COL27A1: variants seen among roughly 807,000 people sequenced by gnomAD.
COL27A1 encodes the protein collagen type XXVII alpha 1 chain.
A neutral mutation model predicts 251.3 loss-of-function variants in COL27A1; 106 were observed. That is an observed-to-expected ratio of 0.42 (90% CI 0.36 to 0.50). The LOEUF (loss-of-function observed/expected upper bound fraction) is 0.50. Ranked by LOEUF, COL27A1 falls within the 20% of genes least tolerant of loss-of-function variation. The pLI, the probability that COL27A1 is intolerant of heterozygous loss-of-function variation, is 0.00. For synonymous variants in COL27A1, 1,000 were observed against 986.3 expected (o/e 1.01, Z -0.26); for missense variants, 2,325 against 2,522.8 (o/e 0.92, Z 1.68).
At chr9:114,161,215 A>T (rs1309556203) in intron 1 of COL27A1, among the ~76,000 whole-genome samples, 1 of 152,084 alleles carries the variant, frequency 6.6e-6, no homozygotes, top group Non-Finnish European at 1.5e-5. Context: ...TTACTCAACA[A>T]CATATAAAGA....
At chr9:114,286,185 G>C (rs975993824) in intron 41 of COL27A1, among the ~76,000 whole-genome samples, 18 of 151,984 alleles carry the variant, frequency 1.2e-4, no homozygotes, top group African/African-American at 3.6e-4. Context: ...TGAATGAACA[G>C]CCACCCCGCA....
At chr9:114,186,945 C>T (rs1828388189) in intron 5 of COL27A1, among the ~76,000 whole-genome samples, 1 of 152,190 alleles carries the variant, frequency 6.6e-6, no homozygotes. Flanking sequence ...GAAGCTAGTG[C>T]TCCCCGCCAG....
At chr9:114,275,911 C>T (rs1835472413) in intron 37 of COL27A1, 143 bp downstream of exon 37, 3 of 598,370 alleles carry the variant, frequency 5.0e-6, no homozygotes, top group South Asian at 4.1e-5. Context: ...TGGCAGTTTG[C>T]CAGAGAACCA....
rs1829142888 is a variant in COL27A1 at position 114,307,552 on chromosome 9, T to C, written c.5108-117T>C. ...GAATCCCTTTTCTGCTCACCCACCC[T>C]GACTTCATGCTCACCTGGGGCTCGG... is the stretch of plus-strand genomic sequence containing the variant. On this transcript the variant is annotated intron_variant, in intron 58 of 60. Coordinates refer to ENST00000356083, the MANE Select transcript of COL27A1 (RefSeq NM_032888.4). 4.0e-6 allele frequency: 3 copies of C among 741,734 alleles called. No individual in the cohort carries two copies. The East Asian group carries it at 7.5e-5, about 19-fold the overall frequency. The allele number at this position is 741,734 out of a possible 1,614,324, so 45.9% of individuals were successfully genotyped here.
At chr9:114,247,209 C>A (rs1833199969) in intron 24 of COL27A1, among the ~76,000 whole-genome samples, 1 of 152,088 alleles carries the variant, frequency 6.6e-6, no homozygotes, top group Non-Finnish European at 1.5e-5. Context: ...GTTCTAGTAG[C>A]AGGTGTAACA....
intron 19 of COL27A1, among the ~76,000 whole-genome samples, chr9:114,239,976 C>T (rs1379114661): frequency 6.6e-6 from 1 of 152,198 alleles, no homozygotes; most frequent in Non-Finnish European, 1.5e-5. Flanking sequence ...TTCCATGTTA[C>T]AACCTTAATG....
At chr9:114,285,422 C>T (rs956102786) in intron 41 of COL27A1, among the ~76,000 whole-genome samples, 4 of 152,094 alleles carry the variant, frequency 2.6e-5, no homozygotes, top group Admixed American at 1.3e-4. Context: ...CAAGGCAATC[C>T]CAAACTGGCC....
chr9:114,266,685 C>A, intron 33 of COL27A1, 67 bp downstream of exon 33: 1 of 1,424,148 alleles, frequency 7.0e-7, no homozygotes, highest in Non-Finnish European at 9.9e-7. Context: ...TCCCTTCCCT[C>A]CTCCCCAGGA....
chr9:114,180,231 C>T (rs918354568), intron 4 of COL27A1, among the ~76,000 whole-genome samples: 1 of 152,164 alleles, frequency 6.6e-6, no homozygotes, highest in African/African-American at 2.4e-5. Context: ...CCTCTCTCTC[C>T]TACGTGATGC....
chr9:114,289,315 A>C lies in COL27A1; in HGVS notation c.4206+20A>C, dbSNP rs1274469948. On this transcript the variant is annotated intron_variant, in intron 45 of 60. Coordinates refer to ENST00000356083, the MANE Select transcript of COL27A1 (RefSeq NM_032888.4). ...GCAGAGGTAAGAGGGCCGGGGGTTC[A>C]GCAGGGAGACTGAGTCCCAGGAAGG... 6.4e-7 allele frequency: 1 copy of C among 1,564,628 alleles called. No homozygotes were observed. Among genetic ancestry groups the C allele is most frequent in the African/African-American group, 1.4e-5 (1 of 73,286 alleles).
At chr9:114,295,111 CAA>C (rs1226612524) in intron 49 of COL27A1, among the ~76,000 whole-genome samples, 2 of 152,152 alleles carry the variant, frequency 1.3e-5, no homozygotes, top group Admixed American at 1.3e-4. Context: ...ATACACTAAT[CAA>C]TGTGCACAAA....
At chr9:114,263,860 A>G (rs1402201571) in intron 28 of COL27A1, among the ~76,000 whole-genome samples, 3 of 152,148 alleles carry the variant, frequency 2.0e-5, no homozygotes, top group African/African-American at 7.2e-5. Flanking sequence ...ACGTCTGGCT[A>G]GAGATGGGGC....
At chr9:114,306,776 G>A (rs1274460505) in intron 58 of COL27A1, 88 bp downstream of exon 58, 1 of 1,480,050 alleles carries the variant, frequency 6.8e-7, no homozygotes, top group Non-Finnish European at 9.1e-7. Context: ...CATTTTGGCT[G>A]AGTTTTTGTC....
At chr9:114,174,625 C>A (rs10982093) in intron 3 of COL27A1, among the ~76,000 whole-genome samples, 20,889 of 152,096 alleles carry the variant, frequency 0.14, 1,565 homozygotes, top group African/African-American at 0.16. Context: ...CGGCACAGAT[C>A]TGGGGAGTAA....
chr9:114,310,793 C>T lies in COL27A1; in HGVS notation c.*98C>T, dbSNP rs753850607. 1.3e-5 allele frequency: 17 copies of T among 1,351,468 alleles called. No homozygotes were observed. Among genetic ancestry groups the T allele is most frequent in the Non-Finnish European group, 1.6e-5 (16 of 975,468 alleles). The allele number at this position is 1,351,468 out of a possible 1,614,324, so 83.7% of individuals were successfully genotyped here. On this transcript the variant is annotated 3_prime_UTR_variant, in exon 61 of 61. Coordinates refer to ENST00000356083, the MANE Select transcript of COL27A1 (RefSeq NM_032888.4). The stretch of plus-strand genomic sequence containing the variant: ...GCAGATGGCTCCAGGAGAGGCAGCT[C>T]CCCTGCCCAAGGGTCCTTGGGCAGA...
In COL27A1 at chr9:114,270,712, C is replaced by T; in HGVS notation, c.3556-16C>T. ...CCCAGTAACATCTCCTCCTCTTTCT[C>T]CATCACCTTTTCCAGGGAGAGCCAG... On this transcript the variant is annotated splice_polypyrimidine_tract_variant and intron_variant, in intron 35 of 60. Transcript: ENST00000356083. 1.2e-6 allele frequency: 2 copies of T among 1,605,314 alleles called. No individual in the cohort carries two copies. The highest frequency in any genetic ancestry group is 1.1e-5 in the South Asian group (1 of 90,700).
At chr9:114,216,425 G>A (rs1830716195) in intron 12 of COL27A1, among the ~76,000 whole-genome samples, 1 of 152,230 alleles carries the variant, frequency 6.6e-6, no homozygotes, top group South Asian at 2.1e-4. Context: ...AGCAGATGGG[G>A]TTGAAGTGGG....
intron 31 of COL27A1, 142 bp downstream of exon 31, chr9:114,265,252 T>C: frequency 9.1e-7 from 1 of 1,102,844 alleles, no homozygotes; most frequent in Non-Finnish European, 1.3e-6. Context: ...CCACCTGCCC[T>C]GCACTGAAGC....
chr9:114,283,639 G>A, intron 39 of COL27A1, 70 bp from the exon 40 acceptor site: 2 of 1,444,254 alleles, frequency 1.4e-6, no homozygotes, highest in Non-Finnish European at 1.9e-6. Flanking sequence ...GCTGGAGCCT[G>A]CAGGGAGACT....
Sources: allele counts gnomAD v4.1 joint callset (sites outside exome capture counted in the v4.1 genomes callset), GRCh38; gene constraint gnomAD v4.1.1; transcripts MANE v1.5; gene names NCBI Gene and HGNC (gene_info 2026-07-23, HGNC 2026-07-21).